The following MICU3 variants were observed in gnomAD, a reference collection of about 807,000 sequenced individuals.
MICU3 encodes the protein mitochondrial calcium uptake 3, also known as calcium uptake protein 3, mitochondrial.
MICU3 carries 62 observed loss-of-function variants against 66.5 expected under a neutral mutation model. The observed-to-expected ratio is 0.93, with a 90% CI of 0.76 to 1.15. The LOEUF (loss-of-function observed/expected upper bound fraction) is 1.15, where lower values mean the gene tolerates loss of function less well. Among genes scored for constraint, MICU3 ranks in the 50% most tolerant of loss-of-function variants. MICU3 has a pLI of 0.00. For synonymous variants in MICU3, 308 were observed against 240.7 expected (o/e 1.28, Z -2.59); for missense variants, 779 against 664.4 (o/e 1.17, Z -1.90).
rs754245875 is a variant in MICU3 at position 17,074,760 on chromosome 8, AT to A, written c.568-3016del. ...CTATAATATATATCTATTAACTATA[AT>A]TTTTTTAATAGTACTTATTTAAGAA... On this transcript the variant is annotated intron_variant, in intron 3 of 14. Coordinates refer to ENST00000318063, the MANE Select transcript of MICU3 (RefSeq NM_181723.3). 7.9e-5 allele frequency among the ~76,000 whole-genome samples: 12 copies of A among 152,000 alleles called. No homozygotes were observed. In the South Asian group the frequency reaches 1.2e-3, roughly 16 times the overall value.
At chr8:17,086,914 G>T (rs770910666) in intron 6 of MICU3, 50 bp from the exon 7 acceptor site, 3 of 1,242,754 alleles carry the variant, frequency 2.4e-6, no homozygotes, top group Non-Finnish European at 3.5e-6. Flanking sequence ...GTAGATAGGT[G>T]CCCAGAAACT....
At chr8:17,077,451 C>T (rs890391336) in intron 3 of MICU3, among the ~76,000 whole-genome samples, 16 of 152,146 alleles carry the variant, frequency 1.1e-4, no homozygotes, top group African/African-American at 2.9e-4. Flanking sequence ...TTTCCTAAAA[C>T]GATTCCTTTA....
chr8:17,114,007 A>C, intron 11 of MICU3, 86 bp from the exon 12 acceptor site: 1 of 774,008 alleles, frequency 1.3e-6, no homozygotes, highest in Non-Finnish European at 2.1e-6. Flanking sequence ...GCAAATGCTT[A>C]ATCTGTTTTT....
intron 2 of MICU3, 127 bp from the exon 3 acceptor site, chr8:17,069,561 A>G: frequency 2.2e-6 from 1 of 449,338 alleles, no homozygotes; most frequent in Non-Finnish European, 4.0e-6. Context: ...TTTTGAGGTT[A>G]AAAGAAAACT....
At chr8:17,039,205 G>A (rs1426855528) in intron 1 of MICU3, among the ~76,000 whole-genome samples, 1 of 152,138 alleles carries the variant, frequency 6.6e-6, no homozygotes, top group South Asian at 2.1e-4. Context: ...TAGGCTAATT[G>A]TAGCATAAAC....
chr8:17,052,168 A>G (rs931200276), intron 1 of MICU3, among the ~76,000 whole-genome samples: 1 of 152,170 alleles, frequency 6.6e-6, no homozygotes, highest in Middle Eastern at 3.2e-3. Flanking sequence ...GAACCCTATA[A>G]TGTAAGCTAC....
chr8:17,130,448 G>A, the MICU3 span, among the ~76,000 whole-genome samples: 1 of 152,016 alleles, frequency 6.6e-6, no homozygotes, highest in African/African-American at 2.4e-5. Flanking sequence ...ACTTGACTGA[G>A]GTGGAGGTTG....
intron 2 of MICU3, among the ~76,000 whole-genome samples, chr8:17,065,250 C>T (rs1818506230): frequency 6.6e-6 from 1 of 152,046 alleles, no homozygotes. Context: ...CCAGAGACAG[C>T]AATATGGCAA....
intron 3 of MICU3, among the ~76,000 whole-genome samples, chr8:17,074,968 A>G (rs937891431): frequency 4.6e-5 from 7 of 152,082 alleles, no homozygotes. Flanking sequence ...CAGGCCACCC[A>G]CACTCTGACC....
intron 6 of MICU3, among the ~76,000 whole-genome samples, chr8:17,085,826 T>A (rs1462051479): frequency 6.6e-6 from 1 of 152,142 alleles, no homozygotes; most frequent in African/African-American, 2.4e-5. Context: ...ATTTACCTTT[T>A]GATGTTTCTT....
At chr8:17,101,246 A>G (rs1272793250) in intron 9 of MICU3, among the ~76,000 whole-genome samples, 1 of 151,772 alleles carries the variant, frequency 6.6e-6, no homozygotes, top group East Asian at 1.9e-4. Context: ...CTTTGTTATG[A>G]AAACACCCGA....
At chr8:17,108,814 A>G (rs1801959818) in intron 11 of MICU3, among the ~76,000 whole-genome samples, 1 of 152,160 alleles carries the variant, frequency 6.6e-6, no homozygotes, top group Non-Finnish European at 1.5e-5. Context: ...TTCTTCTCAA[A>G]GTAAAAGCCA....
At chr8:17,130,710 C>G in the MICU3 span, among the ~76,000 whole-genome samples, 1 of 151,922 alleles carries the variant, frequency 6.6e-6, no homozygotes, top group African/African-American at 2.4e-5. Context: ...CCCATAGAAC[C>G]GTAAGTGAGT....
At chr8:17,042,005 G>C (rs900077503) in intron 1 of MICU3, among the ~76,000 whole-genome samples, 2 of 152,146 alleles carry the variant, frequency 1.3e-5, no homozygotes, top group Non-Finnish European at 2.9e-5. Flanking sequence ...CTTTACATTT[G>C]TTCATGTTTT....
chr8:17,037,039 C>A (rs1038567196), intron 1 of MICU3, among the ~76,000 whole-genome samples: 25 of 152,356 alleles, frequency 1.6e-4, no homozygotes, highest in Middle Eastern at 6.8e-3. Context: ...CCCAGTACAC[C>A]TTCCGCAGCC....
intron 1 of MICU3, among the ~76,000 whole-genome samples, chr8:17,055,323 G>A (rs532538927): frequency 6.6e-6 from 1 of 152,184 alleles, no homozygotes; most frequent in Non-Finnish European, 1.5e-5. Context: ...TTACAAATGT[G>A]GTTTGTTTTG....
chr8:17,048,092 A>C (rs1815399390), intron 1 of MICU3, among the ~76,000 whole-genome samples: 1 of 152,200 alleles, frequency 6.6e-6, no homozygotes, highest in Non-Finnish European at 1.5e-5. Context: ...AGAATCCTAC[A>C]TGTGATAAGT....
chr8:17,028,167 A>G (rs1405983671), intron 1 of MICU3, among the ~76,000 whole-genome samples: 9 of 152,240 alleles, frequency 5.9e-5, no homozygotes, highest in African/African-American at 1.7e-4. Flanking sequence ...TAACGCCCTT[A>G]TCATACCCAG....
intron 3 of MICU3, among the ~76,000 whole-genome samples, chr8:17,074,314 A>T (rs1429921781): frequency 1.3e-5 from 2 of 152,244 alleles, no homozygotes; most frequent in South Asian, 2.1e-4. Flanking sequence ...AAATATTGAT[A>T]GATATAACCC....
Sources: gnomAD v4.1 joint callset for allele counts (sites outside exome capture counted in the v4.1 genomes callset) on GRCh38, gnomAD v4.1.1 for gene constraint, MANE v1.5 for transcripts, NCBI Gene and HGNC (gene_info 2026-07-23, HGNC 2026-07-21) for gene names.